Variants in PKIB observed in about 807,000 individuals in gnomAD.
PKIB encodes the protein cAMP-dependent protein kinase inhibitor beta.
A neutral mutation model predicts 4.5 loss-of-function variants in PKIB; 2 were observed. The observed-to-expected ratio is 0.44, with a 90% CI of 0.18 to 1.39. PKIB has a LOEUF of 1.39. Among genes scored for constraint, PKIB ranks in the 40% most tolerant of loss-of-function variants. The pLI, the probability that PKIB is intolerant of heterozygous loss-of-function variation, is 0.27. For missense variants in PKIB, 94 were observed against 92.6 expected (o/e 1.02, Z -0.06); for synonymous variants, 38 against 36.0 (o/e 1.06, Z -0.20).
chr6:122,472,830 G>A (rs1330822435), intron 1 of PKIB, among the ~76,000 whole-genome samples: 1 of 152,108 alleles, frequency 6.6e-6, no homozygotes, highest in Non-Finnish European at 1.5e-5. Context: ...GCATCCATAA[G>A]GTTTAAAGAA....
chr6:122,548,192 A>G (rs1772563513), intron 2 of PKIB, among the ~76,000 whole-genome samples: 1 of 152,202 alleles, frequency 6.6e-6, no homozygotes, highest in Non-Finnish European at 1.5e-5. Context: ...GAATTATAGT[A>G]GCTTAAAGAT....
intron 1 of PKIB, among the ~76,000 whole-genome samples, chr6:122,628,284 A>G (rs955836198): frequency 1.3e-5 from 2 of 152,114 alleles, no homozygotes; most frequent in Non-Finnish European, 2.9e-5. Flanking sequence ...TGATCCGCCT[A>G]CCTCGGCCTC....
In PKIB at chr6:122,512,074, C is replaced by T. The variant is rs75321100; in HGVS notation, c.-248+34135C>T. ...TTAGGGCAAGTTTATACAGGCACCC[C>T]ACAGTCCTTTTTCCCAACAATGTCC... On this transcript the variant is annotated intron_variant, in intron 2 of 6. Coordinates refer to the PKIB transcript ENST00000392491. Among the ~76,000 whole-genome samples the T allele has an allele frequency of 2.7e-3, 416 of 152,254 alleles. 1 individual carries two copies. Among genetic ancestry groups the T allele is most frequent in the African/African-American group, 9.7e-3 (401 of 41,550 alleles).
intron 1 of PKIB, among the ~76,000 whole-genome samples, chr6:122,619,730 A>C (rs1775145074): frequency 6.6e-6 from 1 of 152,094 alleles, no homozygotes; most frequent in African/African-American, 2.4e-5. Flanking sequence ...GTCCTGAAAA[A>C]CAGCTAATTT....
intron 3 of PKIB, among the ~76,000 whole-genome samples, chr6:122,600,730 A>G (rs1774336678): frequency 1.3e-5 from 2 of 152,200 alleles, no homozygotes; most frequent in South Asian, 4.1e-4. Flanking sequence ...AAAAACAAAA[A>G]TATCTATCAC....
Position 122,541,281 on chromosome 6 carries a change from T to G in PKIB, c.-247-44640T>G, listed in dbSNP as rs142402818. On this transcript the variant is annotated intron_variant, in intron 2 of 6. Transcript: ENST00000392491. Reference sequence around the variant, plus strand: ...TGATGCAGTTTCTTCCTAGCTTTGATGGTCTTTACATTTTGGCATGTTTTT... The same window carrying G: ...TGATGCAGTTTCTTCCTAGCTTTGAGGGTCTTTACATTTTGGCATGTTTTT... 2.2e-3 allele frequency among the ~76,000 whole-genome samples: 338 copies of G among 152,226 alleles called. 8 individuals are homozygous for G. The East Asian group carries it at 0.044, about 20-fold the overall frequency.
chr6:122,586,039 T>A (rs1183351119), intron 3 of PKIB: 1 of 152,158 alleles, frequency 6.6e-6, no homozygotes, highest in East Asian at 1.9e-4. Context: ...TCACGTTTTG[T>A]CATGTTTATG....
At chr6:122,502,999 A>T (rs1359532283) in intron 2 of PKIB, among the ~76,000 whole-genome samples, 1 of 152,178 alleles carries the variant, frequency 6.6e-6, no homozygotes, top group Non-Finnish European at 1.5e-5. Context: ...GCATGGGCAG[A>T]TTTAGTGTCT....
intron 1 of PKIB, among the ~76,000 whole-genome samples, chr6:122,474,420 G>A (rs571707469): frequency 2.0e-5 from 3 of 152,180 alleles, no homozygotes; most frequent in Non-Finnish European, 4.4e-5. Flanking sequence ...GTATTAATAT[G>A]CACTGTAAGT....
intron 2 of PKIB, chr6:122,644,364 TG>T (rs947048660): frequency 6.6e-6 from 1 of 152,206 alleles, no homozygotes; most frequent in African/African-American, 2.4e-5. Context: ...TACCTTGCTT[TG>T]CCCCTTTCTG....
intron 2 of PKIB, among the ~76,000 whole-genome samples, chr6:122,655,445 A>G (rs1562287537): frequency 6.6e-6 from 1 of 152,194 alleles, no homozygotes; most frequent in Admixed American, 6.6e-5. Flanking sequence ...TCTTTTCCTC[A>G]TGTGAGGATA....
At chr6:122,542,453 G>C (rs1199607245) in intron 2 of PKIB, among the ~76,000 whole-genome samples, 4 of 152,102 alleles carry the variant, frequency 2.6e-5, no homozygotes, top group Non-Finnish European at 5.9e-5. Context: ...GTCCACTCCA[G>C]ACTCTGTTTG....
chr6:122,500,786 A>G (rs536199267), intron 2 of PKIB, among the ~76,000 whole-genome samples: 1 of 152,312 alleles, frequency 6.6e-6, no homozygotes, highest in East Asian at 1.9e-4. Flanking sequence ...TCACAGTTCT[A>G]CAAGCTGCAC....
intron 2 of PKIB, among the ~76,000 whole-genome samples, chr6:122,649,997 T>C (rs1422211099): frequency 1.3e-5 from 2 of 152,174 alleles, no homozygotes; most frequent in African/African-American, 2.4e-5. Context: ...CCTTCTCTTA[T>C]TTGGGTACCC....
intron 2 of PKIB, among the ~76,000 whole-genome samples, chr6:122,579,186 A>G (rs1016465599): frequency 1.3e-5 from 2 of 152,150 alleles, no homozygotes; most frequent in Non-Finnish European, 2.9e-5. Context: ...CCTACCACCT[A>G]CTTTCCAAAG....
At chr6:122,618,078 T>G (rs931106416) in intron 1 of PKIB, among the ~76,000 whole-genome samples, 2 of 152,264 alleles carry the variant, frequency 1.3e-5, no homozygotes. Flanking sequence ...TTTCAGATCA[T>G]AAGGATAGGA....
chr6:122,625,653 A>T (rs188120370), intron 1 of PKIB, among the ~76,000 whole-genome samples: 24 of 151,914 alleles, frequency 1.6e-4, no homozygotes, highest in African/African-American at 5.8e-4. Context: ...AATAATAATA[A>T]TAATTAATTA....
intron 3 of PKIB, among the ~76,000 whole-genome samples, chr6:122,709,270 T>G (rs1779181583): frequency 6.6e-6 from 1 of 152,166 alleles, no homozygotes; most frequent in South Asian, 2.1e-4. Context: ...CGACCAAACT[T>G]CCCATTGCTC....
intron 3 of PKIB, among the ~76,000 whole-genome samples, chr6:122,601,782 C>G (rs1774375904): frequency 6.6e-6 from 1 of 152,102 alleles, no homozygotes; most frequent in South Asian, 2.1e-4. Flanking sequence ...ACATACAAAA[C>G]TGTGTTAATC....
Sources: allele counts gnomAD v4.1 joint callset (sites outside exome capture counted in the v4.1 genomes callset), GRCh38; gene constraint gnomAD v4.1.1; transcripts MANE v1.5; gene names NCBI Gene and HGNC (gene_info 2026-07-23, HGNC 2026-07-21).